BPHL: variants seen among roughly 807,000 people sequenced by gnomAD.
The protein encoded by BPHL is serine hydrolase BPHL.
Under a neutral mutation model 31.2 loss-of-function variants are expected in BPHL, and 27 were observed. The ratio of observed to expected loss-of-function variants is 0.87; its 90% CI spans 0.64 to 1.19. The LOEUF is 1.19. Among genes scored for constraint, BPHL ranks in the 50% most tolerant of loss-of-function variants. The pLI, the probability that BPHL is intolerant of heterozygous loss-of-function variation, is 0.00. For synonymous variants in BPHL, 150 were observed against 146.8 expected (o/e 1.02, Z -0.16); for missense variants, 356 against 375.7 (o/e 0.95, Z 0.43).
intron 3 of BPHL, among the ~76,000 whole-genome samples, chr6:3,128,750 A>G (rs542850258): frequency 3.8e-4 from 58 of 152,362 alleles, no homozygotes; most frequent in African/African-American, 1.3e-3. Flanking sequence ...TATTTGTCAT[A>G]TTTAAGTACT....
chr6:3,148,758 T>C (rs35169992), intron 6 of BPHL, among the ~76,000 whole-genome samples: 13,644 of 152,268 alleles, frequency 0.09, 897 homozygotes, highest in African/African-American at 0.18. Context: ...GCTTATCAAG[T>C]TGAGTCTTTT....
At position 3,149,008 on chromosome 6, in the gene BPHL, C is replaced by T. The variant is rs935758954; in HGVS notation, c.789-3480C>T. On this transcript the variant is annotated intron_variant, in intron 6 of 6. Coordinates refer to ENST00000380379, the MANE Select transcript of BPHL (RefSeq NM_004332.4). This position sits in a 1 kb window ranked among gnomAD's most constrained non-coding sequence, Gnocchi z 4.6. ...TACAAATATACTAATAAAATAACAG[C>T]AGACATTTATTAAGCTTACCACGTA... Among the ~76,000 whole-genome samples the T allele has an allele frequency of 1.3e-5, 2 of 152,176 alleles. No individual in the cohort carries two copies. The highest frequency in any genetic ancestry group is 1.3e-4 in the Admixed American group (2 of 15,268).
At chr6:3,128,112 C>G in intron 3 of BPHL, among the ~76,000 whole-genome samples, 1 of 152,224 alleles carries the variant, frequency 6.6e-6, no homozygotes, top group East Asian at 1.9e-4. Flanking sequence ...AGCCACCACA[C>G]CTGGCCTATT....
rs145367076 is a variant in BPHL at position 3,130,747 on chromosome 6, C to T, written c.532+1549C>T. Among the ~76,000 whole-genome samples, 979 of 152,324 alleles carry T rather than the reference C, an allele frequency of 6.4e-3. 12 individuals carry two copies. Among genetic ancestry groups the T allele is most frequent in the African/African-American group, 0.021 (885 of 41,564 alleles). Reference sequence around the variant, plus strand: ...TTCGCTAGAATATCACAAGTCTAGTCTTTTTCAGCTATTCGACAATTCACG... The same window carrying T: ...TTCGCTAGAATATCACAAGTCTAGTTTTTTTCAGCTATTCGACAATTCACG... On this transcript the variant is annotated intron_variant, in intron 4 of 6. Coordinates refer to ENST00000380379, the MANE Select transcript of BPHL (RefSeq NM_004332.4).
chr6:3,129,365 A>G (rs551567432), intron 4 of BPHL, among the ~76,000 whole-genome samples, 167 bp downstream of exon 4: 22 of 152,414 alleles, frequency 1.4e-4, no homozygotes, highest in African/African-American at 5.0e-4. Context: ...CAGTTTAACC[A>G]GTCTGAGTTT....
chr6:3,143,661 G>A (rs960819302), intron 6 of BPHL, among the ~76,000 whole-genome samples: 3 of 152,100 alleles, frequency 2.0e-5, no homozygotes, highest in African/African-American at 2.4e-5. Context: ...TAAGTACAGC[G>A]GTCGTAATAG....
chr6:3,141,890 C>G (rs1028700675), intron 6 of BPHL, among the ~76,000 whole-genome samples: 2 of 152,010 alleles, frequency 1.3e-5, no homozygotes, highest in South Asian at 4.2e-4. Flanking sequence ...AGGAGAATCG[C>G]TTGAACCTGG....
At chr6:3,131,880 G>A (rs960435890) in intron 4 of BPHL, among the ~76,000 whole-genome samples, 2 of 152,068 alleles carry the variant, frequency 1.3e-5, no homozygotes, top group African/African-American at 4.8e-5. Context: ...CTGGGATGGC[G>A]TCCCGGAGCC....
intron 4 of BPHL, among the ~76,000 whole-genome samples, chr6:3,131,481 C>G (rs1044980580): frequency 6.6e-6 from 1 of 152,202 alleles, no homozygotes; most frequent in Admixed American, 6.5e-5. Flanking sequence ...GTTATCCTCA[C>G]CTCTCTTCTT....
chr6:3,130,873 G>A (rs1329886917), intron 4 of BPHL, among the ~76,000 whole-genome samples: 1 of 152,108 alleles, frequency 6.6e-6, no homozygotes, highest in Non-Finnish European at 1.5e-5. Flanking sequence ...CTTACGGTGA[G>A]TCTGATGTGG....
chr6:3,152,588 C>G lies in BPHL; in HGVS notation c.*13C>G, dbSNP rs2231371. The G allele has an allele frequency of 0.058, 93,492 of 1,608,404 alleles. 3,658 individuals carry two copies. Among genetic ancestry groups the G allele is most frequent in the African/African-American group, 0.17 (12,577 of 74,768 alleles). ...CTTCCTACAATGAGAATGCACACTC[C>G]AGTCTTGGTGGTTCCTTCGTGTGGG... On this transcript the variant is annotated 3_prime_UTR_variant, in exon 7 of 7. Coordinates refer to ENST00000380379, the MANE Select transcript of BPHL (RefSeq NM_004332.4).
chr6:3,124,330 T>C (rs927923687), intron 2 of BPHL, among the ~76,000 whole-genome samples: 1 of 151,876 alleles, frequency 6.6e-6, no homozygotes, highest in Non-Finnish European at 1.5e-5. Context: ...AGAACTGGAG[T>C]TCAGATGTAG....
rs576556172 is a variant in BPHL at position 3,133,321 on chromosome 6, G to A, written c.533-4041G>A. Among the ~76,000 whole-genome samples, 127 of 152,078 alleles carry A rather than the reference G, an allele frequency of 8.4e-4. 5 individuals are homozygous for A. In the South Asian group the frequency reaches 0.023, roughly 28 times the overall value. The stretch of plus-strand genomic sequence containing the variant: ...GGCTCCCGCCAGCCTCGTTGGTCCC[G>A]TCTGGGCTGATTCTGTGCCTCTCCA... On this transcript the variant is annotated intron_variant, in intron 4 of 6. Coordinates refer to ENST00000380379, the MANE Select transcript of BPHL (RefSeq NM_004332.4).
In BPHL at chr6:3,147,182, G is replaced by C. The variant is rs1315073786; in HGVS notation, c.789-5306G>C. On this transcript the variant is annotated intron_variant, in intron 6 of 6. Transcript: ENST00000380379. ...AGGCTGAGGTAGGAGAATCACCAGA[G>C]CCTAGGAGGTGGAGGCTGCAGTGAG... Among the ~76,000 whole-genome samples the C allele has an allele frequency of 2.0e-5, 3 of 152,066 alleles. No individual in the cohort carries two copies. The South Asian group carries it at 6.2e-4, about 32-fold the overall frequency.
Position 3,137,414 on chromosome 6 carries a change from C to T in BPHL, c.585C>T (p.Ala195=), listed in dbSNP as rs1036115372. 2 of 1,612,484 alleles carry T rather than the reference C, an allele frequency of 1.2e-6. No individual in the cohort carries two copies. The highest frequency in any genetic ancestry group is 1.1e-5 in the South Asian group (1 of 90,944). Residue 195 remains alanine (A), a synonymous_variant, in exon 5 of 7, where the codon GCC becomes GCT. Coordinates refer to ENST00000380379, the MANE Select transcript of BPHL (RefSeq NM_004332.4). ...AGAGAACAAGAAAGCCTCTAGAAGC[C>T]CTCTATGGGTATGACTACTTTGCCA... The part of the protein sequence containing the change: ...WSERTRKPLE[A]LYGYDYFART...
chr6:3,139,572 G>A (rs756456060), intron 5 of BPHL: 4 of 152,242 alleles, frequency 2.6e-5, no homozygotes, highest in Non-Finnish European at 5.9e-5. Flanking sequence ...TGCCCCGTCG[G>A]GGCAGCTCCC....
At chr6:3,119,235 G>C (rs1761490151) in intron 1 of BPHL, 1 of 1,489,232 alleles carries the variant, frequency 6.7e-7, no homozygotes, top group Non-Finnish European at 9.0e-7. Flanking sequence ...TCTGTCCAGA[G>C]TCCACACTAA....
At chr6:3,132,123 CTT>C (rs1177125555) in intron 4 of BPHL, among the ~76,000 whole-genome samples, 62 of 152,306 alleles carry the variant, frequency 4.1e-4, no homozygotes, top group African/African-American at 1.4e-3. Flanking sequence ...CCTGGCTACT[CTT>C]TCTTTTTCAT....
intron 4 of BPHL, among the ~76,000 whole-genome samples, chr6:3,131,932 C>A (rs1240109419): frequency 1.3e-5 from 2 of 152,222 alleles, no homozygotes; most frequent in Non-Finnish European, 2.9e-5. Flanking sequence ...CCCGCCACAC[C>A]TTGCACGTGC....
Sources: gnomAD v4.1 joint callset for allele counts (sites outside exome capture counted in the v4.1 genomes callset) on GRCh38, gnomAD v4.1.1 for gene constraint, Gnocchi (gnomAD v3.1) non-coding constraint, MANE v1.5 for transcripts, NCBI Gene and HGNC (gene_info 2026-07-23, HGNC 2026-07-21) for gene names.